ROR2: variants seen among roughly 807,000 people sequenced by gnomAD.
ROR2 encodes tyrosine-protein kinase transmembrane receptor ROR2.
Under a neutral mutation model 74.9 loss-of-function variants are expected in ROR2, and 33 were observed. The ratio of observed to expected loss-of-function variants is 0.44; its 90% CI spans 0.33 to 0.59. The LOEUF is 0.59. Among genes scored for constraint, ROR2 ranks in the 20% least tolerant of loss-of-function variants. The pLI, the probability that ROR2 is intolerant of heterozygous loss-of-function variation, is 0.02. For synonymous variants in ROR2, 586 were observed against 558.7 expected (o/e 1.05, Z -0.69); for missense variants, 1,216 against 1,313.8 (o/e 0.93, Z 1.15).
intron 2 of ROR2, among the ~76,000 whole-genome samples, chr9:91,768,737 C>T (rs1826135797): frequency 1.3e-5 from 2 of 152,204 alleles, no homozygotes; most frequent in Non-Finnish European, 2.9e-5. Context: ...GGTCTCCAGA[C>T]AGTCCAGACA....
intron 6 of ROR2, among the ~76,000 whole-genome samples, chr9:91,732,167 C>T (rs1420042095): frequency 1.3e-5 from 2 of 152,148 alleles, no homozygotes; most frequent in African/African-American, 2.4e-5. Flanking sequence ...AATACAGCCC[C>T]GGAGCTGTGG....
At chr9:91,866,353 C>T (rs905599008) in intron 1 of ROR2, among the ~76,000 whole-genome samples, 1 of 150,670 alleles carries the variant, frequency 6.6e-6, no homozygotes, top group Non-Finnish European at 1.5e-5. Flanking sequence ...CTTCTGATCT[C>T]ATTATCTGCC....
intron 2 of ROR2, among the ~76,000 whole-genome samples, chr9:91,759,468 A>C (rs1362596022): frequency 6.6e-6 from 1 of 152,222 alleles, no homozygotes; most frequent in African/African-American, 2.4e-5. Flanking sequence ...ATTCTTTAAA[A>C]AGATAGGCTG....
At chr9:91,912,140 C>CTA (rs1831008542) in intron 1 of ROR2, among the ~76,000 whole-genome samples, 1 of 150,324 alleles carries the variant, frequency 6.7e-6, no homozygotes, top group African/African-American at 2.5e-5. Context: ...GAGAAAACTG[C>CTA]TAATTAGAGA....
intron 1 of ROR2, among the ~76,000 whole-genome samples, chr9:91,831,785 A>G (rs1424856127): frequency 6.6e-6 from 1 of 152,154 alleles, no homozygotes; most frequent in Non-Finnish European, 1.5e-5. Context: ...ATTGCACTCC[A>G]GCCTGGGCAA....
At chr9:91,764,166 C>G (rs1276154842) in intron 2 of ROR2, among the ~76,000 whole-genome samples, 2 of 152,184 alleles carry the variant, frequency 1.3e-5, no homozygotes, top group Admixed American at 6.5e-5. Flanking sequence ...TTGGTCCATA[C>G]ATCACTAAGC....
At chr9:91,937,972 C>G (rs963859152) in intron 1 of ROR2, among the ~76,000 whole-genome samples, 39 of 152,228 alleles carry the variant, frequency 2.6e-4, no homozygotes, top group African/African-American at 9.2e-4. Flanking sequence ...CCCACCTCAG[C>G]CTCCCGAAGT....
At chr9:91,927,546 CTG>C (rs1831438544) in intron 1 of ROR2, among the ~76,000 whole-genome samples, 1 of 143,104 alleles carries the variant, frequency 7.0e-6, no homozygotes, top group South Asian at 2.2e-4. Context: ...GTGGCTGGCT[CTG>C]TGTTTTCTAG....
At chr9:91,908,149 AG>A (rs1281589396) in intron 1 of ROR2, among the ~76,000 whole-genome samples, 1 of 152,142 alleles carries the variant, frequency 6.6e-6, no homozygotes, top group Non-Finnish European at 1.5e-5. Flanking sequence ...GGGGGGAGGG[AG>A]GAGTTGAAAG....
At chr9:91,942,663 T>C (rs1831905584) in intron 1 of ROR2, among the ~76,000 whole-genome samples, 2 of 152,082 alleles carry the variant, frequency 1.3e-5, no homozygotes, top group South Asian at 2.1e-4. Context: ...GTCTTTCCAG[T>C]AGTAATAAGG....
intron 2 of ROR2, among the ~76,000 whole-genome samples, chr9:91,774,910 G>A (rs1219916921): frequency 6.6e-6 from 1 of 152,180 alleles, no homozygotes; most frequent in East Asian, 1.9e-4. Context: ...CCAAAGAACC[G>A]CCTATAGGAC....
chr9:91,880,202 G>A (rs562197835), intron 1 of ROR2, among the ~76,000 whole-genome samples: 1 of 152,262 alleles, frequency 6.6e-6, no homozygotes, highest in East Asian at 1.9e-4. Context: ...GGATGACCAT[G>A]TGAAGACACA....
chr9:91,815,578 A>G (rs1336008574), intron 1 of ROR2, among the ~76,000 whole-genome samples: 2 of 152,230 alleles, frequency 1.3e-5, no homozygotes, highest in Non-Finnish European at 2.9e-5. Context: ...CTAATCCTCA[A>G]ATAAACAGTG....
chr9:91,859,977 G>A (rs1829421236), intron 1 of ROR2, among the ~76,000 whole-genome samples: 1 of 152,206 alleles, frequency 6.6e-6, no homozygotes, highest in African/African-American at 2.4e-5. Context: ...CAGTCCTGCG[G>A]GCCTGGACGC....
intron 1 of ROR2, among the ~76,000 whole-genome samples, chr9:91,870,734 T>C (rs73519106): frequency 0.03 from 4,527 of 152,380 alleles, 168 homozygotes; most frequent in Middle Eastern, 0.092. Context: ...GACTGCATTA[T>C]TTCACATAGC....
At chr9:91,868,637 CAA>C (rs1051387769) in intron 1 of ROR2, among the ~76,000 whole-genome samples, 2 of 152,124 alleles carry the variant, frequency 1.3e-5, no homozygotes, top group African/African-American at 2.4e-5. Context: ...TCGTTAAAAA[CAA>C]TGAAGGCCAG....
In ROR2 at chr9:91,769,748, G is replaced by A. The variant is rs138893556; in HGVS notation, c.175+5993C>T. Among the ~76,000 whole-genome samples the A allele has an allele frequency of 1.6e-3, 245 of 152,134 alleles. 1 individual carries two copies. Among genetic ancestry groups the A allele is most frequent in the African/African-American group, 5.7e-3 (238 of 41,510 alleles). On this transcript the variant is annotated intron_variant, in intron 2 of 8. Coordinates refer to ENST00000375708, the MANE Select transcript of ROR2 (RefSeq NM_004560.4). ...GTGACAGCCAGCACCGCTCACTCCCGTCCCGGCCCCGCCTCCCTCCAGTAC... is the reference window on the plus strand; with the variant it reads ...GTGACAGCCAGCACCGCTCACTCCCATCCCGGCCCCGCCTCCCTCCAGTAC...
At chr9:91,871,678 G>A (rs1396520218) in intron 1 of ROR2, among the ~76,000 whole-genome samples, 2 of 152,114 alleles carry the variant, frequency 1.3e-5, no homozygotes, top group Non-Finnish European at 2.9e-5. Flanking sequence ...AAAGAAAGTG[G>A]CCTTGAGTGC....
chr9:91,742,415 G>A (rs959264769), intron 4 of ROR2, among the ~76,000 whole-genome samples: 10 of 152,218 alleles, frequency 6.6e-5, no homozygotes, highest in Admixed American at 2.6e-4. Context: ...GGGCTTTAAA[G>A]TAATAGATGT....
Sources: gnomAD v4.1 joint callset for allele counts (sites outside exome capture counted in the v4.1 genomes callset) on GRCh38, gnomAD v4.1.1 for gene constraint, MANE v1.5 for transcripts, NCBI Gene and HGNC (gene_info 2026-07-23, HGNC 2026-07-21) for gene names.